ADAMTSL1: variants seen among roughly 807,000 people sequenced by gnomAD.
ADAMTSL1 encodes the protein ADAMTS-like protein 1.
In ADAMTSL1, 126 loss-of-function variants were observed where a neutral mutation model predicts 201.8. The observed-to-expected ratio is 0.62, with a 90% confidence interval of 0.54 to 0.72. The LOEUF (loss-of-function observed/expected upper bound fraction) is 0.72. ADAMTSL1 is among the 30% of genes least tolerant of loss of function. The pLI, the probability that ADAMTSL1 is intolerant of heterozygous loss-of-function variation, is 0.00. For synonymous variants in ADAMTSL1, 1,121 were observed against 903.4 expected (o/e 1.24, Z -4.32); for missense variants, 2,679 against 2,277.8 (o/e 1.18, Z -3.59).
intron 1 of ADAMTSL1, among the ~76,000 whole-genome samples, chr9:18,111,104 A>G (rs1401222079): frequency 1.4e-4 from 22 of 152,172 alleles, no homozygotes; most frequent in Non-Finnish European, 1.0e-4. Context: ...CTTGCTAAAA[A>G]TAACAGCAAC....
At chr9:18,428,226 C>T (rs1020042959) in intron 2 of ADAMTSL1, among the ~76,000 whole-genome samples, 1 of 151,932 alleles carries the variant, frequency 6.6e-6, no homozygotes, top group African/African-American at 2.4e-5. Flanking sequence ...GGAACATAGT[C>T]CCTGATGAAT....
intron 1 of ADAMTSL1, 67 bp from the exon 2 acceptor site, chr9:18,504,762 A>G: frequency 6.8e-6 from 11 of 1,612,592 alleles, no homozygotes; most frequent in Non-Finnish European, 9.3e-6. Context: ...GGCCAGTCAC[A>G]TTTTAGAACA....
chr9:18,446,777 C>A (rs539847353), intron 2 of ADAMTSL1, among the ~76,000 whole-genome samples: 1 of 152,268 alleles, frequency 6.6e-6, no homozygotes, highest in African/African-American at 2.4e-5. Flanking sequence ...TATTCTTGAA[C>A]TTTCGGGTAA....
chr9:18,380,000 G>A (rs1837482890), intron 2 of ADAMTSL1, among the ~76,000 whole-genome samples: 1 of 152,114 alleles, frequency 6.6e-6, no homozygotes, highest in South Asian at 2.1e-4. Context: ...GGAGTAGCCA[G>A]GGGCTGTTAA....
At chr9:18,352,426 C>T (rs1836014137) in intron 2 of ADAMTSL1, among the ~76,000 whole-genome samples, 1 of 152,160 alleles carries the variant, frequency 6.6e-6, no homozygotes, top group Non-Finnish European at 1.5e-5. Context: ...AGAACATGTG[C>T]CAAGTCAAAT....
intron 21 of ADAMTSL1, among the ~76,000 whole-genome samples, chr9:18,822,248 A>T (rs987858938): frequency 1.3e-5 from 2 of 152,178 alleles, no homozygotes; most frequent in Non-Finnish European, 2.9e-5. Context: ...GTCACACTAC[A>T]GCAGGCTAGA....
intron 1 of ADAMTSL1, among the ~76,000 whole-genome samples, chr9:17,939,402 G>T (rs1827141160): frequency 6.7e-6 from 1 of 150,344 alleles, no homozygotes. Flanking sequence ...ATTTTTTTTG[G>T]GTCATGAATT....
At chr9:18,126,530 C>A (rs904940809) in intron 1 of ADAMTSL1, among the ~76,000 whole-genome samples, 1 of 152,184 alleles carries the variant, frequency 6.6e-6, no homozygotes, top group Non-Finnish European at 1.5e-5. Flanking sequence ...GTTGCATGCA[C>A]CACACGTGGC....
intron 2 of ADAMTSL1, among the ~76,000 whole-genome samples, chr9:18,372,298 C>A (rs972926625): frequency 2.0e-5 from 3 of 152,078 alleles, no homozygotes; most frequent in East Asian, 1.9e-4. Context: ...AGAAGAGAGG[C>A]CTGGGGAAGG....
chr9:18,734,436 G>A (rs1169950134), intron 15 of ADAMTSL1, among the ~76,000 whole-genome samples: 1 of 152,172 alleles, frequency 6.6e-6, no homozygotes, highest in African/African-American at 2.4e-5. Context: ...TAATCCTTGG[G>A]AGGGTGGGCA....
chr9:18,740,762 T>C (rs1159874159), intron 15 of ADAMTSL1, among the ~76,000 whole-genome samples: 1 of 152,054 alleles, frequency 6.6e-6, no homozygotes, highest in East Asian at 1.9e-4. Flanking sequence ...CAGGTGTGAG[T>C]CACCACGCTC....
At chr9:18,710,830 A>G (rs536270389) in intron 14 of ADAMTSL1, among the ~76,000 whole-genome samples, 10 of 152,104 alleles carry the variant, frequency 6.6e-5, no homozygotes, top group Non-Finnish European at 1.3e-4. Context: ...GTTAATGCAT[A>G]CAAAGCAACA....
At chr9:18,348,292 G>A (rs148029174) in intron 2 of ADAMTSL1, among the ~76,000 whole-genome samples, 2 of 152,244 alleles carry the variant, frequency 1.3e-5, no homozygotes, top group East Asian at 3.9e-4. Context: ...GGAGAGTCAC[G>A]GGTTAGGGCC....
chr9:18,309,375 T>C (rs552119114), intron 2 of ADAMTSL1, among the ~76,000 whole-genome samples: 7 of 152,198 alleles, frequency 4.6e-5, no homozygotes, highest in African/African-American at 1.2e-4. Context: ...TGTATTCAGA[T>C]AGGAAGAGAG....
intron 20 of ADAMTSL1, among the ~76,000 whole-genome samples, chr9:18,811,345 C>T (rs10122993): frequency 6.6e-6 from 1 of 152,066 alleles, no homozygotes; most frequent in Non-Finnish European, 1.5e-5. Flanking sequence ...TTCACCCTGC[C>T]GTGCCCACCT....
chr9:18,899,479 C>T (rs576528042), intron 26 of ADAMTSL1, among the ~76,000 whole-genome samples: 2 of 152,188 alleles, frequency 1.3e-5, no homozygotes, highest in African/African-American at 4.8e-5. Context: ...AAAAAGAGCC[C>T]GAGTAGTCAA....
chr9:18,720,771 T>A (rs1833298104), intron 14 of ADAMTSL1, among the ~76,000 whole-genome samples: 1 of 151,902 alleles, frequency 6.6e-6, no homozygotes, highest in Admixed American at 6.6e-5. Context: ...CAAGATTCTG[T>A]CTTGAAAAAA....
At chr9:18,069,176 CAT>C (rs1188139606) in intron 1 of ADAMTSL1, among the ~76,000 whole-genome samples, 1 of 152,108 alleles carries the variant, frequency 6.6e-6, no homozygotes, top group Non-Finnish European at 1.5e-5. Context: ...TTAAGTGTAA[CAT>C]ACACACCATA....
intron 23 of ADAMTSL1, among the ~76,000 whole-genome samples, chr9:18,845,191 C>A (rs562535476): frequency 5.3e-5 from 8 of 152,300 alleles, no homozygotes; most frequent in African/African-American, 7.2e-5. Flanking sequence ...GCTCAAGTGT[C>A]GGCAGCACAC....
Sources: allele counts gnomAD v4.1 joint callset (sites outside exome capture counted in the v4.1 genomes callset), GRCh38; gene constraint gnomAD v4.1.1; transcripts MANE v1.5; gene names NCBI Gene and HGNC (gene_info 2026-07-23, HGNC 2026-07-21).